The following CNTN4 variants were observed in gnomAD, a reference collection of about 807,000 sequenced individuals.
CNTN4 encodes the protein contactin 4, also known as contactin-4.
Under a neutral mutation model 122.5 loss-of-function variants are expected in CNTN4, and 77 were observed. That is an observed-to-expected ratio of 0.63 (90% CI 0.52 to 0.76). The LOEUF (loss-of-function observed/expected upper bound fraction) is 0.76. Among genes scored for constraint, CNTN4 ranks in the 30% least tolerant of loss-of-function variants. The pLI, the probability that CNTN4 is intolerant of heterozygous loss-of-function variation, is 0.00. For synonymous variants in CNTN4, 512 were observed against 447.0 expected, an observed-to-expected ratio of 1.15 and a Z score of -1.83; for missense variants, 1,256 against 1,259.1, an observed-to-expected ratio of 1.00 and a Z score of 0.04.
chr3:2,426,240 C>T lies in CNTN4; in HGVS notation c.-89+87007C>T, dbSNP rs1371937182. On this transcript the variant is annotated intron_variant, in intron 3 of 24. Transcript: ENST00000418658. Reference sequence around the variant, plus strand: ...AGCTCTTATTATTTTGAGATACGTCCCATCAATACCTAATTTGTTGAGAGT... The same window carrying T: ...AGCTCTTATTATTTTGAGATACGTCTCATCAATACCTAATTTGTTGAGAGT... Among the ~76,000 whole-genome samples the T allele has an allele frequency of 3.3e-5, 5 of 152,198 alleles. No individual in the cohort carries two copies. The East Asian group carries it at 7.7e-4, about 24-fold the overall frequency.
At chr3:2,302,222 A>C (rs2042551705) in intron 2 of CNTN4, among the ~76,000 whole-genome samples, 1 of 152,126 alleles carries the variant, frequency 6.6e-6, no homozygotes, top group African/African-American at 2.4e-5. Context: ...TGAGGTCAGG[A>C]ATTTGAGACC....
intron 4 of CNTN4, among the ~76,000 whole-genome samples, chr3:2,699,793 G>T (rs2086260021): frequency 6.6e-6 from 1 of 152,196 alleles, no homozygotes. Flanking sequence ...AGATATTAAT[G>T]ATTATCTGGC....
intron 2 of CNTN4, among the ~76,000 whole-genome samples, chr3:2,195,216 C>T (rs192337951): frequency 3.9e-4 from 60 of 152,330 alleles, no homozygotes; most frequent in African/African-American, 1.4e-3. Context: ...GCATGACATC[C>T]TCCAGATTTA....
At chr3:2,332,003 AATCCCATGTCTTGTTTGCT>A (rs1464199597) in intron 2 of CNTN4, among the ~76,000 whole-genome samples, 1 of 152,050 alleles carries the variant, frequency 6.6e-6, no homozygotes, top group Non-Finnish European at 1.5e-5. Flanking sequence ...GCTCCAGTAA[AATCCCATGTCTTGTTTGCT>A]GGCCCTGGGT....
intron 13 of CNTN4, among the ~76,000 whole-genome samples, chr3:2,981,187 G>T (rs574531620): frequency 6.6e-6 from 1 of 152,224 alleles, no homozygotes; most frequent in Non-Finnish European, 1.5e-5. Flanking sequence ...GCTCACGCCT[G>T]TAGTACCAGC....
At chr3:2,850,087 T>A (rs904511406) in intron 7 of CNTN4, among the ~76,000 whole-genome samples, 2 of 151,752 alleles carry the variant, frequency 1.3e-5, no homozygotes, top group African/African-American at 2.4e-5. Flanking sequence ...CCTCCCGAGT[T>A]CAAGTGATTC....
At chr3:2,842,899 TTAAAG>T (rs2093388676) in intron 7 of CNTN4, among the ~76,000 whole-genome samples, 1 of 152,126 alleles carries the variant, frequency 6.6e-6, no homozygotes, top group African/African-American at 2.4e-5. Flanking sequence ...ACTCATATTC[TTAAAG>T]TAAAGTATAA....
intron 2 of CNTN4, among the ~76,000 whole-genome samples, chr3:2,166,642 C>A (rs1398206279): frequency 6.6e-6 from 1 of 152,040 alleles, no homozygotes; most frequent in East Asian, 1.9e-4. Context: ...AAAGTAAATT[C>A]TAGCTTATTT....
At chr3:2,274,878 A>G (rs1275286045) in intron 2 of CNTN4, among the ~76,000 whole-genome samples, 1 of 122,448 alleles carries the variant, frequency 8.2e-6, no homozygotes, top group African/African-American at 2.7e-5. Flanking sequence ...TAGGAATTCA[A>G]GAATGGGGAT....
rs1007102928 is a variant in CNTN4 at position 2,194,437 on chromosome 3, G to A, written c.-145+93798G>A. ...GATCGCGCCACTGCACTCCAGCCTG[G>A]GTGACAGAGTGAGACCCCATGTCAA... On this transcript the variant is annotated intron_variant, in intron 2 of 24. Coordinates refer to ENST00000418658, the MANE Select transcript of CNTN4 (RefSeq NM_175607.3). 3.4e-4 allele frequency among the ~76,000 whole-genome samples: 52 copies of A among 152,114 alleles called. 1 individual carries two copies. Among genetic ancestry groups the A allele is most frequent in the African/African-American group, 1.2e-3 (49 of 41,444 alleles).
At chr3:2,417,227 ATCCAACTACAGAT>A (rs2047449255) in intron 3 of CNTN4, among the ~76,000 whole-genome samples, 1 of 152,354 alleles carries the variant, frequency 6.6e-6, no homozygotes, top group South Asian at 2.1e-4. Flanking sequence ...TCCAGCAGTT[ATCCAACTACAGAT>A]AAATAACTGC....
At chr3:2,099,727 GTTTC>G (rs2031735897) in intron 1 of CNTN4, 1 of 151,998 alleles carries the variant, frequency 6.6e-6, no homozygotes, top group South Asian at 2.1e-4. Flanking sequence ...GGGGTTTCCA[GTTTC>G]TTTCGAGAGG....
intron 3 of CNTN4, among the ~76,000 whole-genome samples, chr3:2,545,086 G>A (rs1040026161): frequency 3.3e-5 from 5 of 151,984 alleles, no homozygotes; most frequent in Non-Finnish European, 7.4e-5. Flanking sequence ...GTTCTTATTA[G>A]TTTCAAAGAA....
intron 4 of CNTN4, among the ~76,000 whole-genome samples, chr3:2,674,492 C>A (rs993748986): frequency 6.6e-6 from 1 of 152,204 alleles, no homozygotes; most frequent in Non-Finnish European, 1.5e-5. Flanking sequence ...CATGCTGGCT[C>A]ATGCCTATAA....
intron 23 of CNTN4, among the ~76,000 whole-genome samples, chr3:3,045,814 A>T (rs938130826): frequency 5.3e-5 from 8 of 152,252 alleles, no homozygotes; most frequent in Non-Finnish European, 2.9e-5. Flanking sequence ...AAGGCTTCAG[A>T]TGACCAAACT....
intron 23 of CNTN4, among the ~76,000 whole-genome samples, chr3:3,045,874 C>T (rs1700593526): frequency 6.6e-6 from 1 of 152,060 alleles, no homozygotes; most frequent in Non-Finnish European, 1.5e-5. Flanking sequence ...AAGTTGAAAA[C>T]CTTGAAAAAA....
intron 3 of CNTN4, among the ~76,000 whole-genome samples, chr3:2,479,302 C>T (rs879607056): frequency 9.2e-5 from 14 of 152,088 alleles, no homozygotes; most frequent in Non-Finnish European, 1.6e-4. Context: ...AACAAATGAA[C>T]ATTTTTAAAA....
intron 3 of CNTN4, among the ~76,000 whole-genome samples, chr3:2,521,695 C>G (rs1279662538): frequency 6.6e-6 from 1 of 152,080 alleles, no homozygotes; most frequent in Non-Finnish European, 1.5e-5. Context: ...TAGTGTTTAT[C>G]TACTTTGTAA....
intron 4 of CNTN4, among the ~76,000 whole-genome samples, chr3:2,674,276 T>A (rs1051264436): frequency 8.5e-5 from 13 of 152,086 alleles, no homozygotes; most frequent in African/African-American, 2.9e-4. Flanking sequence ...CGTTTTTTTT[T>A]ATATTTTTTA....
Sources: gnomAD v4.1 joint callset for allele counts (sites outside exome capture counted in the v4.1 genomes callset) on GRCh38, gnomAD v4.1.1 for gene constraint, MANE v1.5 for transcripts, NCBI Gene and HGNC (gene_info 2026-07-23, HGNC 2026-07-21) for gene names.